The following CORIN variants were observed in gnomAD, a reference collection of about 807,000 sequenced individuals.
CORIN encodes corin, serine peptidase.
A neutral mutation model predicts 125.3 loss-of-function variants in CORIN; 117 were observed. The ratio of observed to expected loss-of-function variants is 0.93; its 90% confidence interval spans 0.80 to 1.09. The LOEUF is 1.09. CORIN is among the 50% of genes least tolerant of loss of function. CORIN has a pLI of 0.00. For synonymous variants in CORIN, 450 were observed against 466.4 expected, an observed-to-expected ratio of 0.96 and a Z score of 0.45; for missense variants, 1,253 against 1,306.7, an observed-to-expected ratio of 0.96 and a Z score of 0.63.
rs898808736 is a variant in CORIN at position 47,595,655 on chromosome 4, T to G, written c.*66A>C. ...TTCTGTACAGCTCTCTGCAGGCAGCTCTTCACAGTCAAGAAGGCCATTTTC... is the reference window on the plus strand; with the variant it reads ...TTCTGTACAGCTCTCTGCAGGCAGCGCTTCACAGTCAAGAAGGCCATTTTC... On this transcript the variant is annotated 3_prime_UTR_variant, in exon 22 of 22. Transcript: ENST00000273857. 9.2e-5 allele frequency: 120 copies of G among 1,306,386 alleles called. 1 individual carries two copies. The highest frequency in any genetic ancestry group is 7.4e-5 in the Non-Finnish European group (70 of 944,662). 80.9% of individuals were successfully genotyped at this position (1,306,386 alleles called of 1,614,324 possible). A position where few individuals can be genotyped will look rare whatever the true frequency, so the allele number is the denominator to read the frequency against.
intron 2 of CORIN, among the ~76,000 whole-genome samples, chr4:47,802,043 G>A (rs1731566996): frequency 6.6e-6 from 1 of 152,216 alleles, no homozygotes; most frequent in African/African-American, 2.4e-5. Flanking sequence ...ATTGAACTCA[G>A]TGCTGATCTG....
chr4:47,620,833 C>G (rs1316908729), intron 19 of CORIN, among the ~76,000 whole-genome samples: 1 of 152,144 alleles, frequency 6.6e-6, no homozygotes, highest in African/African-American at 2.4e-5. Flanking sequence ...TTTCACATAA[C>G]AGAAAACTGT....
intron 19 of CORIN, among the ~76,000 whole-genome samples, chr4:47,605,536 C>T (rs1467954971): frequency 6.6e-6 from 1 of 152,114 alleles, no homozygotes; most frequent in African/African-American, 2.4e-5. Flanking sequence ...AAGGGTAGAG[C>T]TTTAATTGTG....
chr4:47,711,397 A>C (rs544234490), intron 5 of CORIN, among the ~76,000 whole-genome samples: 1 of 152,336 alleles, frequency 6.6e-6, no homozygotes, highest in East Asian at 1.9e-4. Context: ...AGGTCTCTCC[A>C]ACAGAATGGG....
At chr4:47,627,243 AAAC>A (rs1722616770) in intron 16 of CORIN, among the ~76,000 whole-genome samples, 1 of 152,150 alleles carries the variant, frequency 6.6e-6, no homozygotes, top group African/African-American at 2.4e-5. Flanking sequence ...TCAGCATCCC[AAAC>A]TGCTAGGATT....
At chr4:47,770,795 G>A (rs1235546521) in intron 3 of CORIN, among the ~76,000 whole-genome samples, 2 of 152,114 alleles carry the variant, frequency 1.3e-5, no homozygotes, top group Non-Finnish European at 2.9e-5. Context: ...AAAACCACAT[G>A]ATTTCACTTA....
At chr4:47,753,431 C>T (rs949722882) in intron 4 of CORIN, among the ~76,000 whole-genome samples, 4 of 152,062 alleles carry the variant, frequency 2.6e-5, no homozygotes, top group African/African-American at 9.7e-5. Context: ...TACCAGGACG[C>T]GATCTTTTCC....
intron 2 of CORIN, among the ~76,000 whole-genome samples, chr4:47,797,474 C>A (rs1290069035): frequency 2.6e-5 from 4 of 151,906 alleles, no homozygotes; most frequent in Non-Finnish European, 5.9e-5. Context: ...ACAAATCCAA[C>A]TGTTGGTCAA....
In CORIN at chr4:47,706,447, C is replaced by T. The variant is rs946541030; in HGVS notation, c.800-13364G>A. 1.3e-5 allele frequency: 21 copies of T among 1,610,534 alleles called. No homozygotes were observed. The Admixed American group carries it at 1.7e-4, about 13-fold the overall frequency. On this transcript the variant is annotated intron_variant, in intron 5 of 21. Coordinates refer to ENST00000273857, the MANE Select transcript of CORIN (RefSeq NM_006587.4). ...TGTCACGCGCTTTCTTCTGAGGGTC[C>T]GCTGCTGGCAGTACCGCCAGCTCTC... is the stretch of plus-strand genomic sequence containing the variant.
intron 11 of CORIN, among the ~76,000 whole-genome samples, chr4:47,663,071 T>C (rs1235382066): frequency 6.6e-6 from 1 of 152,236 alleles, no homozygotes; most frequent in Non-Finnish European, 1.5e-5. Flanking sequence ...CATATGATAC[T>C]TATTTGTACA....
chr4:47,719,991 A>G (rs1469214963), intron 5 of CORIN, among the ~76,000 whole-genome samples: 3 of 152,196 alleles, frequency 2.0e-5, no homozygotes, highest in Non-Finnish European at 2.9e-5. Context: ...TTGTAGTAGT[A>G]TAGGGGTCTA....
At chr4:47,627,498 A>G (rs1367258419) in intron 16 of CORIN, among the ~76,000 whole-genome samples, 3 of 152,360 alleles carry the variant, frequency 2.0e-5, no homozygotes, top group Non-Finnish European at 2.9e-5. Flanking sequence ...CCTAGCCACA[A>G]TGAAGAAGAG....
At chr4:47,797,291 T>C (rs1255567661) in intron 2 of CORIN, among the ~76,000 whole-genome samples, 4 of 150,676 alleles carry the variant, frequency 2.7e-5, no homozygotes, top group Non-Finnish European at 4.4e-5. Context: ...TATGTAAAAT[T>C]TGAGGAAGGT....
At chr4:47,792,602 A>G (rs115145965) in intron 2 of CORIN, among the ~76,000 whole-genome samples, 2,372 of 152,316 alleles carry the variant, frequency 0.016, 68 homozygotes, top group African/African-American at 0.053. Context: ...AATTGGTGTC[A>G]TATCGTTAGT....
chr4:47,813,144 T>C (rs1473090575), intron 1 of CORIN, among the ~76,000 whole-genome samples: 2 of 152,102 alleles, frequency 1.3e-5, no homozygotes, highest in African/African-American at 4.8e-5. Flanking sequence ...CAGGACAATA[T>C]CAAAAGGAAT....
chr4:47,674,454 G>A lies in CORIN; in HGVS notation c.1296C>T (p.Pro432=), dbSNP rs1724920794. The change falls in exon 10 of 22, where the codon CCC becomes CCT. Residue 432 remains proline, a synonymous_variant. Coordinates refer to ENST00000273857, the MANE Select transcript of CORIN (RefSeq NM_006587.4). ...QEGDQRCLYN[P]CLDSCGGSSL... is the part of the protein sequence containing the mutation. ...AGCTACCACCACATGAATCAAGGCA[G>A]GGATTGTAGAGGCATCTTTGGTCTC... The A allele has an allele frequency of 6.2e-7, 1 of 1,613,954 alleles. No homozygotes were observed. Among genetic ancestry groups the A allele is most frequent in the Non-Finnish European group, 8.5e-7 (1 of 1,179,942 alleles).
At position 47,693,030 on chromosome 4, in the gene CORIN, C is replaced by T. The variant is rs143738568; in HGVS notation, c.853G>A (p.Gly285Arg). The change falls in exon 6 of 22, where the codon GGG (glycine) becomes AGG (arginine). Residue 285 changes from glycine to arginine, a missense_variant. Physicochemically the swap from Gly to Arg is moderately radical, Grantham distance 125. Transcript: ENST00000273857. ...FLCASGICIP[G>R]KLQCNGYNDC... Reference sequence around the variant, plus strand: ...TTGTAGCCATTACATTGCAGTTTCCCGGGGATGCAGATTCCACTGGCACAC... The same window carrying T: ...TTGTAGCCATTACATTGCAGTTTCCTGGGGATGCAGATTCCACTGGCACAC... 2.5e-5 allele frequency: 40 copies of T among 1,613,624 alleles called. No individual in the cohort carries two copies. The highest frequency in any genetic ancestry group is 3.3e-5 in the South Asian group (3 of 91,070).
At chr4:47,732,687 T>C (rs1173276297) in intron 5 of CORIN, among the ~76,000 whole-genome samples, 2 of 151,860 alleles carry the variant, frequency 1.3e-5, no homozygotes, top group Admixed American at 1.3e-4. Flanking sequence ...CCTCAGCCTC[T>C]TGAGGGCCTG....
At chr4:47,717,788 A>C (rs1157676359) in intron 5 of CORIN, among the ~76,000 whole-genome samples, 15 of 152,186 alleles carry the variant, frequency 9.9e-5, no homozygotes, top group South Asian at 2.1e-4. Context: ...GACCGAAAAA[A>C]AGAGAGGCAC....
Sources: allele counts gnomAD v4.1 joint callset (sites outside exome capture counted in the v4.1 genomes callset), GRCh38; gene constraint gnomAD v4.1.1; transcripts MANE v1.5; gene names NCBI Gene and HGNC (gene_info 2026-07-23, HGNC 2026-07-21).